The following EYS variants were observed in gnomAD, a reference collection of about 807,000 sequenced individuals.
The protein encoded by EYS is EGF-like photoreceptor maintenance factor.
EYS carries 250 observed loss-of-function variants against 282.1 expected under a neutral mutation model. The observed-to-expected ratio is 0.89, with a 90% CI of 0.80 to 0.98. The LOEUF (loss-of-function observed/expected upper bound fraction) is 0.98, where lower values mean the gene tolerates loss of function less well. Among genes scored for constraint, EYS ranks in the 50% least tolerant of loss-of-function variants. The probability of loss-of-function intolerance (pLI) is 0.00; values close to 1 mark genes in which losing one functional copy is unlikely to be tolerated. For synonymous variants in EYS, 1,355 were observed against 1,282.9 expected, an observed-to-expected ratio of 1.06 and a Z score of -1.20; for missense variants, 4,016 against 3,709.0, an observed-to-expected ratio of 1.08 and a Z score of -2.15.
chr6:64,710,366 G>A (rs569839074), intron 22 of EYS, among the ~76,000 whole-genome samples: 4 of 152,320 alleles, frequency 2.6e-5, no homozygotes, highest in African/African-American at 7.2e-5. Flanking sequence ...TGGAAAAGGA[G>A]AGTGCCAAGC....
At chr6:63,939,072 G>GAACT in intron 35 of EYS, among the ~76,000 whole-genome samples, 1 of 151,744 alleles carries the variant, frequency 6.6e-6, no homozygotes, top group African/African-American at 2.4e-5. Context: ...TTGGAACAGA[G>GAACT]GCTTTCTGAA....
chr6:64,473,712 T>A (rs1776188618), intron 26 of EYS, among the ~76,000 whole-genome samples: 1 of 152,148 alleles, frequency 6.6e-6, no homozygotes, highest in East Asian at 1.9e-4. Context: ...TGCTACAAAT[T>A]GGCACAACTA....
chr6:65,344,114 G>A lies in EYS; in HGVS notation c.1523C>T (p.Thr508Ile). 1 of 1,610,080 alleles carries A rather than the reference G, an allele frequency of 6.2e-7. No homozygotes were observed. The highest frequency in any genetic ancestry group is 1.1e-5 in the South Asian group (1 of 91,000). ...ATCGTTCACATAGGTTGCATCTTCA[G>A]TGCAGTTTGCAGCCAGAAAGAAATA... ...DAYFFLAANC[T>I]EDATYVNDPE... Residue 508 changes from threonine to isoleucine, a missense_variant, in exon 10 of 43, where the codon ACT becomes ATT. Coordinates refer to ENST00000503581, the MANE Select transcript of EYS (RefSeq NM_001142800.2).
At chr6:64,019,849 A>AGT (rs1226006721) in intron 33 of EYS, among the ~76,000 whole-genome samples, 21 of 112,272 alleles carry the variant, frequency 1.9e-4, no homozygotes, top group African/African-American at 8.3e-4. Flanking sequence ...TGTATATATA[A>AGT]GTATATATAT....
intron 12 of EYS, among the ~76,000 whole-genome samples, chr6:65,261,672 T>G (rs1167113853): frequency 1.3e-5 from 2 of 152,132 alleles, no homozygotes; most frequent in African/African-American, 4.8e-5. Flanking sequence ...GGTCATGGCT[T>G]GAGCCTAAGT....
intron 14 of EYS, among the ~76,000 whole-genome samples, chr6:64,972,657 T>G (rs1770334658): frequency 6.6e-6 from 1 of 152,188 alleles, no homozygotes; most frequent in Non-Finnish European, 1.5e-5. Context: ...ATTGTAAGAA[T>G]AGAGTAATGC....
At position 64,081,865 on chromosome 6, in the gene EYS, T is replaced by C. The variant is rs184448644; in HGVS notation, c.6562A>G (p.Ile2188Val). ...AACATTTAATACTCACTGTAAAGAA[T>C]AGTTCCATTTAAACTGTTTGTTTTT... ...TIKTNSLNGT[I>V]LYSNGNNCGK... is the part of the protein sequence containing the mutation. The change falls in exon 32 of 43, where the codon ATT (isoleucine) becomes GTT (valine). Residue 2188 changes from isoleucine to valine, a missense_variant. Coordinates refer to ENST00000503581, the MANE Select transcript of EYS (RefSeq NM_001142800.2). The C allele has an allele frequency of 6.0e-5, 92 of 1,528,886 alleles. No individual in the cohort carries two copies. In the East Asian group the frequency reaches 1.7e-3, roughly 27 times the overall value. The allele number at this position is 1,528,886 out of a possible 1,614,324, so 94.7% of individuals were successfully genotyped here. A position where few individuals can be genotyped will look rare whatever the true frequency, so the allele number is the denominator to read the frequency against.
intron 31 of EYS, among the ~76,000 whole-genome samples, chr6:64,148,222 G>C (rs1774585692): frequency 6.6e-6 from 1 of 152,066 alleles, no homozygotes; most frequent in Non-Finnish European, 1.5e-5. Context: ...ATATGTATAT[G>C]TGTATGTTTT....
At chr6:65,116,687 T>G (rs1002044398) in intron 12 of EYS, among the ~76,000 whole-genome samples, 3 of 151,946 alleles carry the variant, frequency 2.0e-5, no homozygotes, top group African/African-American at 7.3e-5. Context: ...AACAATTCTA[T>G]GAAAACAAAA....
chr6:64,726,893 T>A (rs932697998), intron 22 of EYS, among the ~76,000 whole-genome samples: 2 of 152,184 alleles, frequency 1.3e-5, no homozygotes, highest in African/African-American at 2.4e-5. Context: ...AAACATTTCA[T>A]AAACAATGAA....
intron 8 of EYS, among the ~76,000 whole-genome samples, chr6:65,356,819 A>G (rs778362727): frequency 1.9e-4 from 29 of 152,056 alleles, no homozygotes; most frequent in Admixed American, 7.2e-4. Context: ...AGCCATATGT[A>G]GAGGCTAGGA....
At chr6:65,221,022 G>T (rs1766449728) in intron 12 of EYS, among the ~76,000 whole-genome samples, 1 of 152,194 alleles carries the variant, frequency 6.6e-6, no homozygotes, top group African/African-American at 2.4e-5. Flanking sequence ...AAGCAGCAAA[G>T]TGTTCAAGAA....
chr6:63,738,728 A>T (rs1207895154), intron 41 of EYS, among the ~76,000 whole-genome samples: 1 of 152,152 alleles, frequency 6.6e-6, no homozygotes, highest in Non-Finnish European at 1.5e-5. Flanking sequence ...CCTAAAACTT[A>T]AAGTATAATT....
intron 28 of EYS, among the ~76,000 whole-genome samples, chr6:64,433,710 T>C (rs866223030): frequency 5.9e-5 from 9 of 152,046 alleles, no homozygotes; most frequent in African/African-American, 2.2e-4. Context: ...AGTGACATTT[T>C]GTAATAAAGA....
chr6:65,488,186 T>G (rs997136350), intron 5 of EYS, among the ~76,000 whole-genome samples: 3 of 152,196 alleles, frequency 2.0e-5, no homozygotes, highest in Non-Finnish European at 4.4e-5. Flanking sequence ...AGTTCTGCTC[T>G]GATCTTAGTT....
At chr6:65,169,425 A>C (rs924262415) in intron 12 of EYS, among the ~76,000 whole-genome samples, 4 of 151,478 alleles carry the variant, frequency 2.6e-5, no homozygotes, top group Non-Finnish European at 5.9e-5. Flanking sequence ...TTTAAAAATA[A>C]AAATACAAAT....
chr6:65,216,523 A>C (rs890948334), intron 12 of EYS, among the ~76,000 whole-genome samples: 4 of 151,916 alleles, frequency 2.6e-5, no homozygotes, highest in Non-Finnish European at 4.4e-5. Context: ...GAATTTTGAA[A>C]CATTGTGGTG....
chr6:65,240,755 G>A (rs1308747791), intron 12 of EYS, among the ~76,000 whole-genome samples: 1 of 152,158 alleles, frequency 6.6e-6, no homozygotes, highest in Non-Finnish European at 1.5e-5. Context: ...ACAATTGCAT[G>A]TGTCTTTTTA....
intron 22 of EYS, among the ~76,000 whole-genome samples, chr6:64,752,100 C>T (rs1035586110): frequency 6.6e-6 from 1 of 151,738 alleles, no homozygotes; most frequent in African/African-American, 2.4e-5. Flanking sequence ...ACAAACAAAC[C>T]GTGTTACAAG....
Sources: gnomAD v4.1 joint callset for allele counts (sites outside exome capture counted in the v4.1 genomes callset) on GRCh38, gnomAD v4.1.1 for gene constraint, MANE v1.5 for transcripts, NCBI Gene and HGNC (gene_info 2026-07-23, HGNC 2026-07-21) for gene names.